The following APP variants were observed in gnomAD, a reference collection of about 807,000 sequenced individuals.
APP encodes amyloid-beta precursor protein.
In APP, 31 loss-of-function variants were observed where a neutral mutation model predicts 101.4. The observed-to-expected ratio is 0.31, with a 90% CI of 0.23 to 0.41. APP has a LOEUF of 0.41. Among genes scored for constraint, APP ranks in the 10% least tolerant of loss-of-function variants. APP has a pLI of 1.00. For missense variants in APP, 839 were observed against 1,003.7 expected (o/e 0.84, Z 2.22); for synonymous variants, 366 against 364.4 (o/e 1.00, Z -0.05).
chr21:26,022,873 T>C (rs2044405624), intron 5 of APP, among the ~76,000 whole-genome samples: 1 of 149,946 alleles, frequency 6.7e-6, no homozygotes, highest in Non-Finnish European at 1.5e-5. Context: ...AAACCTGCAA[T>C]GCCCTGTGGT....
chr21:26,107,933 C>T (rs1047927111), intron 2 of APP, among the ~76,000 whole-genome samples: 9 of 152,190 alleles, frequency 5.9e-5, no homozygotes, highest in African/African-American at 2.2e-4. Flanking sequence ...GGCATATAAT[C>T]ATCTTACATC....
chr21:26,099,781 A>G (rs2062018611), intron 2 of APP, among the ~76,000 whole-genome samples: 1 of 152,238 alleles, frequency 6.6e-6, no homozygotes, highest in African/African-American at 2.4e-5. Flanking sequence ...TGAGGCGCTG[A>G]GAGGCAGCGT....
At chr21:25,904,141 A>T (rs1479632661) in intron 15 of APP, among the ~76,000 whole-genome samples, 2 of 152,250 alleles carry the variant, frequency 1.3e-5, no homozygotes, top group Admixed American at 6.5e-5. Flanking sequence ...ATGGAAAAGT[A>T]TGTGTTATTT....
intron 13 of APP, among the ~76,000 whole-genome samples, chr21:25,944,403 T>C (rs2040715988): frequency 6.6e-6 from 1 of 152,218 alleles, no homozygotes; most frequent in Admixed American, 6.5e-5. Context: ...TGATGAGATA[T>C]TATAACTAAC....
chr21:25,898,735 A>T (rs1386019755), intron 15 of APP, among the ~76,000 whole-genome samples: 1 of 152,168 alleles, frequency 6.6e-6, no homozygotes, highest in Admixed American at 6.5e-5. Flanking sequence ...CTTCCACATT[A>T]AAACCTTGAA....
At chr21:26,159,383 A>G (rs987703624) in intron 1 of APP, among the ~76,000 whole-genome samples, 6 of 152,334 alleles carry the variant, frequency 3.9e-5, no homozygotes, top group African/African-American at 1.2e-4. Context: ...CAGGCCATAA[A>G]TTAGTAATTT....
chr21:26,003,757 T>C (rs1005593482), intron 6 of APP, among the ~76,000 whole-genome samples: 1 of 152,122 alleles, frequency 6.6e-6, no homozygotes, highest in African/African-American at 2.4e-5. Flanking sequence ...GAGCTTCTCG[T>C]TATAATTCCC....
intron 5 of APP, among the ~76,000 whole-genome samples, chr21:26,036,579 T>C (rs2045120695): frequency 6.6e-6 from 1 of 152,144 alleles, no homozygotes; most frequent in Non-Finnish European, 1.5e-5. Context: ...CTAATACTGA[T>C]GACAGAGCAA....
chr21:25,916,331 AGACATGATG>A (rs1276220347), intron 13 of APP, among the ~76,000 whole-genome samples: 1 of 152,306 alleles, frequency 6.6e-6, no homozygotes, highest in East Asian at 1.9e-4. Flanking sequence ...AAAAAGAGGT[AGACATGATG>A]GATTACCATT....
intron 5 of APP, among the ~76,000 whole-genome samples, chr21:26,027,515 G>A (rs1247583932): frequency 6.6e-6 from 1 of 152,204 alleles, no homozygotes; most frequent in East Asian, 1.9e-4. Flanking sequence ...GAAATAGCCA[G>A]TACTTCTCCC....
chr21:26,082,120 G>C (rs528112290), intron 3 of APP, among the ~76,000 whole-genome samples: 1 of 152,136 alleles, frequency 6.6e-6, no homozygotes, highest in Non-Finnish European at 1.5e-5. Context: ...TCAGGAGGCC[G>C]AGGCAGGAGA....
At chr21:25,918,187 C>T (rs951556053) in intron 13 of APP, among the ~76,000 whole-genome samples, 1 of 152,208 alleles carries the variant, frequency 6.6e-6, no homozygotes, top group African/African-American at 2.4e-5. Context: ...GGAATATACC[C>T]AAAGGATTAT....
chr21:26,161,771 T>C (rs2146379654), intron 1 of APP, among the ~76,000 whole-genome samples: 1 of 152,286 alleles, frequency 6.6e-6, no homozygotes, highest in African/African-American at 2.4e-5. Context: ...TAATAAGCAA[T>C]TGAGAGCATC....
chr21:25,948,004 CAAAAA>C (rs34371241), intron 13 of APP, among the ~76,000 whole-genome samples: 2 of 71,094 alleles, frequency 2.8e-5, no homozygotes, highest in African/African-American at 9.4e-5. Flanking sequence ...GACTCCATCT[CAAAAA>C]AAAAAAAAAA....
At chr21:26,032,629 C>A (rs1048222706) in intron 5 of APP, among the ~76,000 whole-genome samples, 8 of 152,102 alleles carry the variant, frequency 5.3e-5, no homozygotes, top group Non-Finnish European at 2.9e-5. Flanking sequence ...CTTGGAACAG[C>A]ACATGATAAG....
At chr21:25,934,203 T>C (rs1404576145) in intron 13 of APP, 1 of 152,068 alleles carries the variant, frequency 6.6e-6, no homozygotes, top group Non-Finnish European at 1.5e-5. Context: ...TGAAACAGAT[T>C]CTCCCCTAGA....
At chr21:25,993,357 A>T (rs2042941464) in intron 8 of APP, among the ~76,000 whole-genome samples, 2 of 152,228 alleles carry the variant, frequency 1.3e-5, no homozygotes, top group Admixed American at 6.5e-5. Flanking sequence ...ACATCTCTAC[A>T]GATGGTTGTC....
chr21:26,157,040 A>G (rs935251661), intron 1 of APP, among the ~76,000 whole-genome samples: 1 of 152,168 alleles, frequency 6.6e-6, no homozygotes, highest in South Asian at 2.1e-4. Context: ...TTTTTTAAAG[A>G]CATGCCAAGA....
At chr21:26,065,425 T>C (rs1274336954) in intron 3 of APP, among the ~76,000 whole-genome samples, 1 of 152,228 alleles carries the variant, frequency 6.6e-6, no homozygotes, top group East Asian at 1.9e-4. Flanking sequence ...GGTTTGACTT[T>C]TTTTTAGAAA....
Sources: allele counts gnomAD v4.1 joint callset (sites outside exome capture counted in the v4.1 genomes callset), GRCh38; gene constraint gnomAD v4.1.1; transcripts MANE v1.5; gene names NCBI Gene and HGNC (gene_info 2026-07-23, HGNC 2026-07-21).